The following RALGPS2 variants were observed in gnomAD, a reference collection of about 807,000 sequenced individuals.
RALGPS2 encodes Ral GEF with PH domain and SH3 binding motif 2.
A neutral mutation model predicts 86.8 loss-of-function variants in RALGPS2; 43 were observed. That is an observed-to-expected ratio of 0.50 (90% confidence interval 0.39 to 0.64). RALGPS2 has a LOEUF of 0.64. Among genes scored for constraint, RALGPS2 ranks in the 30% least tolerant of loss-of-function variants. The probability of loss-of-function intolerance (pLI) is 0.00; values close to 1 mark genes in which losing one functional copy is unlikely to be tolerated. For synonymous variants in RALGPS2, 243 were observed against 231.3 expected (o/e 1.05, Z -0.46); for missense variants, 536 against 694.6 (o/e 0.77, Z 2.57).
rs1396554753 is a variant in RALGPS2, at chr1:178,918,301, A to T, written c.*1942A>T. ...TTACTTTTGTTTTGCATTTTTAAAA[A>T]TTTCTTAATTTGTTTATTTCTCTTC... On this transcript the variant is annotated 3_prime_UTR_variant, in exon 20 of 20. Transcript: ENST00000367635. 1 of 152,192 alleles carries T rather than the reference A, an allele frequency of 6.6e-6. No homozygotes were observed. Among genetic ancestry groups the T allele is most frequent in the Admixed American group, 6.5e-5 (1 of 15,282 alleles). 9.4% of individuals were successfully genotyped at this position (152,192 alleles called of 1,614,324 possible).
chr1:178,807,955 C>A, intron 4 of RALGPS2, 90 bp from the exon 5 acceptor site: 1 of 813,146 alleles, frequency 1.2e-6, no homozygotes, highest in Non-Finnish European at 2.1e-6. Context: ...TAGAAAAGAA[C>A]ACAAACTGTC....
chr1:178,848,960 T>C (rs1374998071), intron 8 of RALGPS2, among the ~76,000 whole-genome samples: 2 of 152,188 alleles, frequency 1.3e-5, no homozygotes, highest in African/African-American at 4.8e-5. Flanking sequence ...CGTTTGTTGA[T>C]CACCTACTCT....
intron 4 of RALGPS2, among the ~76,000 whole-genome samples, chr1:178,787,112 A>G (rs567805006): frequency 1.3e-5 from 2 of 152,200 alleles, no homozygotes; most frequent in Admixed American, 6.5e-5. Context: ...TTTAAATGGC[A>G]AAAAGAAAAA....
At chr1:178,745,386 A>T (rs556569804) in intron 1 of RALGPS2, among the ~76,000 whole-genome samples, 2 of 152,348 alleles carry the variant, frequency 1.3e-5, no homozygotes, top group East Asian at 3.9e-4. Context: ...TTTATTATAA[A>T]TCTGAAGTAG....
Position 178,785,581 on chromosome 1 carries a change from C to A in RALGPS2, c.187C>A (p.Pro63Thr). The change falls in exon 4 of 20, where the codon CCA becomes ACA. Residue 63 changes from proline (P) to threonine (T), a missense_variant. Coordinates refer to ENST00000367635, the MANE Select transcript of RALGPS2 (RefSeq NM_152663.5). ...YAGQITLMDV[P>T]VFKAIQPDEL... ...GGGTCAGATAACATTAATGGATGTTCCAGTATTTAAAGCTATTCAACCAGA... is the reference window on the plus strand; with the variant it reads ...GGGTCAGATAACATTAATGGATGTTACAGTATTTAAAGCTATTCAACCAGA... 6.3e-7 allele frequency: 1 copy of A among 1,581,480 alleles called. No individual in the cohort carries two copies. The highest frequency in any genetic ancestry group is 8.6e-7 in the Non-Finnish European group (1 of 1,164,890).
chr1:178,732,228 G>T (rs762391452), intron 1 of RALGPS2, among the ~76,000 whole-genome samples: 2 of 152,172 alleles, frequency 1.3e-5, no homozygotes, highest in Non-Finnish European at 2.9e-5. Context: ...GGGAGAGTAT[G>T]ATTGCCAGGC....
intron 14 of RALGPS2, among the ~76,000 whole-genome samples, chr1:178,891,145 T>C (rs1269278668): frequency 6.6e-6 from 1 of 152,088 alleles, no homozygotes; most frequent in East Asian, 1.9e-4. Context: ...TACCTTCACG[T>C]CTCAAAACAA....
At chr1:178,738,950 C>A (rs1198142073) in intron 1 of RALGPS2, among the ~76,000 whole-genome samples, 3 of 152,178 alleles carry the variant, frequency 2.0e-5, no homozygotes, top group African/African-American at 4.8e-5. Context: ...TTGTCTAGAA[C>A]ATTTTTTTGC....
intron 1 of RALGPS2, among the ~76,000 whole-genome samples, chr1:178,763,528 G>C (rs376891529): frequency 6.6e-6 from 1 of 152,158 alleles, no homozygotes; most frequent in Non-Finnish European, 1.5e-5. Context: ...TCTTTGAGCA[G>C]TGTTTTATAA....
intron 1 of RALGPS2, among the ~76,000 whole-genome samples, chr1:178,728,487 T>G (rs906574330): frequency 2.7e-5 from 4 of 150,040 alleles, no homozygotes; most frequent in Non-Finnish European, 4.4e-5. Flanking sequence ...GAGAATAAGA[T>G]ATTGAAGTGT....
At chr1:178,847,168 G>A (rs1246814824) in intron 8 of RALGPS2, among the ~76,000 whole-genome samples, 2 of 152,282 alleles carry the variant, frequency 1.3e-5, no homozygotes, top group East Asian at 1.9e-4. Context: ...AAAAGTGGCC[G>A]GGCATGGTGG....
At chr1:178,729,465 A>G (rs1231641688) in intron 1 of RALGPS2, among the ~76,000 whole-genome samples, 2 of 152,150 alleles carry the variant, frequency 1.3e-5, no homozygotes, top group African/African-American at 4.8e-5. Flanking sequence ...TAAGTGATCA[A>G]AGGACCCCTG....
chr1:178,865,648 T>C, intron 8 of RALGPS2: 1 of 1,614,072 alleles, frequency 6.2e-7, no homozygotes, highest in Non-Finnish European at 8.5e-7. Flanking sequence ...TTGCTTCCTC[T>C]TTACCATCTG....
intron 1 of RALGPS2, among the ~76,000 whole-genome samples, chr1:178,751,040 A>G (rs372863365): frequency 1.3e-5 from 2 of 152,268 alleles, no homozygotes. Context: ...GATTTACATT[A>G]AAGTACATTT....
At chr1:178,851,327 A>C (rs1657160829) in intron 8 of RALGPS2, 2 of 1,600,100 alleles carry the variant, frequency 1.2e-6, no homozygotes, top group Admixed American at 3.5e-5. Flanking sequence ...CTTTGAGGAA[A>C]AAATACAGAT....
At chr1:178,727,690 A>C (rs1650107090) in intron 1 of RALGPS2, among the ~76,000 whole-genome samples, 1 of 152,072 alleles carries the variant, frequency 6.6e-6, no homozygotes, top group Non-Finnish European at 1.5e-5. Flanking sequence ...TGAATGATGG[A>C]TATATAGGTG....
intron 1 of RALGPS2, among the ~76,000 whole-genome samples, chr1:178,755,821 T>C (rs1280296968): frequency 1.3e-5 from 2 of 152,202 alleles, no homozygotes; most frequent in Non-Finnish European, 2.9e-5. Context: ...GTGTAAGCCT[T>C]CCCTTTTCTC....
At chr1:178,795,003 A>C (rs1572339889) in intron 4 of RALGPS2, among the ~76,000 whole-genome samples, 1 of 152,160 alleles carries the variant, frequency 6.6e-6, no homozygotes, top group South Asian at 2.1e-4. Flanking sequence ...AACATGGAAA[A>C]ACCCCATCTC....
In RALGPS2 at chr1:178,747,586, C is replaced by A. The variant is rs1210792976; in HGVS notation, c.-84+22167C>A. ...GGCAGCATGTGTTAGGAAGTGGACC[C>A]TGTGTTAAGATGTAACTCCTTTGTC... On this transcript the variant is annotated intron_variant, in intron 1 of 19. Coordinates refer to ENST00000367635, the MANE Select transcript of RALGPS2 (RefSeq NM_152663.5). The A allele has an allele frequency of 3.1e-6, 5 of 1,608,444 alleles. No homozygotes were observed. The Admixed American group carries it at 8.3e-5, about 27-fold the overall frequency.
Sources: allele counts gnomAD v4.1 joint callset (sites outside exome capture counted in the v4.1 genomes callset), GRCh38; gene constraint gnomAD v4.1.1; transcripts MANE v1.5; gene names NCBI Gene and HGNC (gene_info 2026-07-23, HGNC 2026-07-21).